TMEM178B: variants seen among roughly 807,000 people sequenced by gnomAD.
TMEM178B encodes the protein transmembrane protein 178B.
Under a neutral mutation model 31.0 loss-of-function variants are expected in TMEM178B, and 5 were observed. The ratio of observed to expected loss-of-function variants is 0.16; its 90% CI spans 0.08 to 0.34. The LOEUF (loss-of-function observed/expected upper bound fraction) is 0.34, where lower values mean the gene tolerates loss of function less well. Ranked by LOEUF, TMEM178B falls within the 10% of genes least tolerant of loss-of-function variation. The pLI is 1.00. For synonymous variants in TMEM178B, 164 were observed against 164.0 expected (o/e 1.00, Z 0.00); for missense variants, 275 against 400.3 (o/e 0.69, Z 2.67).
intron 2 of TMEM178B, among the ~76,000 whole-genome samples, chr7:141,340,714 G>A (rs1799502368): frequency 6.6e-6 from 1 of 152,146 alleles, no homozygotes; most frequent in South Asian, 2.1e-4. Context: ...AAAAGGAAAG[G>A]AAAAGAAATA....
At chr7:141,470,075 T>C (rs144548454) in intron 3 of TMEM178B, among the ~76,000 whole-genome samples, 1 of 152,372 alleles carries the variant, frequency 6.6e-6, no homozygotes, top group African/African-American at 2.4e-5. Context: ...GAAAACCTAA[T>C]ACTGTATGAG....
chr7:141,400,254 A>C (rs115484277), intron 2 of TMEM178B, among the ~76,000 whole-genome samples: 4,599 of 152,320 alleles, frequency 0.03, 104 homozygotes, highest in African/African-American at 0.058. Flanking sequence ...GGTGACAAAG[A>C]CAAAGATATG....
intron 2 of TMEM178B, among the ~76,000 whole-genome samples, chr7:141,396,534 C>T (rs942181288): frequency 1.9e-4 from 28 of 151,010 alleles, no homozygotes; most frequent in Non-Finnish European, 3.8e-4. Context: ...GAAAACAGAG[C>T]CTCAGAAAGA....
Position 141,074,751 on chromosome 7 carries a change from GC to G in TMEM178B, c.382+63del. ...GAGCCCGGCGCCTTTAGGCCCCGCA[GC>G]CCCTCGCGTCTCCTTCCCAGGCCAC... On this transcript the variant is annotated intron_variant, in intron 1 of 3. Coordinates refer to ENST00000565468, the MANE Select transcript of TMEM178B (RefSeq NM_001195278.2). This position sits in a 1 kb window ranked among gnomAD's most constrained non-coding sequence, Gnocchi z 5.1. 7.0e-7 allele frequency: 1 copy of G among 1,436,660 alleles called. No individual in the cohort carries two copies. The highest frequency in any genetic ancestry group is 9.1e-7 in the Non-Finnish European group (1 of 1,100,478). The allele number at this position is 1,436,660 out of a possible 1,614,324, so 89.0% of individuals were successfully genotyped here. A position where few individuals can be genotyped will look rare whatever the true frequency, so the allele number is the denominator to read the frequency against.
intron 2 of TMEM178B, among the ~76,000 whole-genome samples, chr7:141,343,587 G>GCAATGGTGCAATGGTT (rs1249488646): frequency 5.7e-5 from 8 of 139,828 alleles, no homozygotes; most frequent in African/African-American, 1.1e-4. Flanking sequence ...AGGCTGGAGT[G>GCAATGGTGCAATGGTT]CAATGGTGCA....
chr7:141,220,777 C>T (rs568536627), intron 2 of TMEM178B, among the ~76,000 whole-genome samples: 1 of 152,260 alleles, frequency 6.6e-6, no homozygotes, highest in East Asian at 1.9e-4. Flanking sequence ...GATACGGACA[C>T]CACACCATGA....
At chr7:141,138,537 TG>T (rs1275285690) in intron 1 of TMEM178B, among the ~76,000 whole-genome samples, 1 of 151,554 alleles carries the variant, frequency 6.6e-6, no homozygotes, top group African/African-American at 2.4e-5. Flanking sequence ...GAGGTGTGTG[TG>T]GGTATGGATG....
intron 2 of TMEM178B, among the ~76,000 whole-genome samples, chr7:141,383,176 A>T (rs1800356824): frequency 6.6e-6 from 1 of 150,626 alleles, no homozygotes; most frequent in African/African-American, 2.4e-5. Context: ...TTTTTTTTAA[A>T]GTCTAGCTTG....
intron 2 of TMEM178B, among the ~76,000 whole-genome samples, chr7:141,330,409 G>C (rs1177195358): frequency 6.6e-6 from 1 of 152,132 alleles, no homozygotes; most frequent in Non-Finnish European, 1.5e-5. Context: ...ATTTACCGAG[G>C]ATAATGACTT....
the TMEM178B span, among the ~76,000 whole-genome samples, chr7:141,498,116 C>G: frequency 6.6e-6 from 1 of 152,158 alleles, no homozygotes. Context: ...TTTTGGAGTT[C>G]CAGAGTCAGA....
At chr7:141,408,144 G>T (rs536909233) in intron 2 of TMEM178B, among the ~76,000 whole-genome samples, 1 of 151,716 alleles carries the variant, frequency 6.6e-6, no homozygotes, top group African/African-American at 2.4e-5. Context: ...CATTTGTTCC[G>T]AAGTCCCCTA....
intron 2 of TMEM178B, among the ~76,000 whole-genome samples, chr7:141,277,671 C>T (rs188509324): frequency 9.2e-5 from 14 of 152,096 alleles, no homozygotes; most frequent in East Asian, 3.9e-4. Context: ...CTGTCATATA[C>T]GTGGCTCACT....
intron 2 of TMEM178B, among the ~76,000 whole-genome samples, chr7:141,280,126 G>T (rs911241219): frequency 6.6e-6 from 1 of 152,226 alleles, no homozygotes; most frequent in Non-Finnish European, 1.5e-5. Context: ...AGTATTGCAT[G>T]TTTGGGAAAG....
At chr7:141,089,975 T>A (rs1293426689) in intron 1 of TMEM178B, among the ~76,000 whole-genome samples, 4 of 152,008 alleles carry the variant, frequency 2.6e-5, no homozygotes, top group African/African-American at 7.2e-5. Context: ...TACCTGCAAG[T>A]TGTGCACATG....
chr7:141,119,614 G>A (rs570183031), intron 1 of TMEM178B, among the ~76,000 whole-genome samples: 84 of 152,288 alleles, frequency 5.5e-4, no homozygotes, highest in African/African-American at 1.9e-3. Flanking sequence ...GATGTATTTT[G>A]CAGGTATATT....
intron 2 of TMEM178B, among the ~76,000 whole-genome samples, chr7:141,271,888 A>G (rs192253642): frequency 4.6e-5 from 7 of 152,286 alleles, no homozygotes; most frequent in Middle Eastern, 3.4e-3. Flanking sequence ...AAACTTGCCT[A>G]TGGTCACACA....
chr7:141,296,516 G>A (rs1359361038), intron 2 of TMEM178B, among the ~76,000 whole-genome samples: 1 of 152,192 alleles, frequency 6.6e-6, no homozygotes, highest in Non-Finnish European at 1.5e-5. Context: ...GTGCCTGCTT[G>A]CAGAAAGCCC....
intron 2 of TMEM178B, among the ~76,000 whole-genome samples, chr7:141,316,005 T>C (rs1036740001): frequency 2.0e-5 from 3 of 152,206 alleles, no homozygotes; most frequent in African/African-American, 7.2e-5. Flanking sequence ...AATAGGATCC[T>C]TGTTGCTAAA....
the TMEM178B span, among the ~76,000 whole-genome samples, chr7:141,500,155 T>C: frequency 6.6e-6 from 1 of 152,348 alleles, no homozygotes; most frequent in South Asian, 2.1e-4. Context: ...TGTTACTATT[T>C]AACCAAAATT....
Sources: gnomAD v4.1 joint callset for allele counts (sites outside exome capture counted in the v4.1 genomes callset) on GRCh38, gnomAD v4.1.1 for gene constraint, Gnocchi (gnomAD v3.1) non-coding constraint, MANE v1.5 for transcripts, NCBI Gene and HGNC (gene_info 2026-07-23, HGNC 2026-07-21) for gene names.